Variants in PALM observed in about 807,000 individuals in gnomAD.
PALM encodes the protein paralemmin.
Under a neutral mutation model 30.7 loss-of-function variants are expected in PALM, and 18 were observed. That is an observed-to-expected ratio of 0.59 (90% CI 0.41 to 0.87). The LOEUF is 0.87. Among genes scored for constraint, PALM ranks in the 40% least tolerant of loss-of-function variants. The pLI, the probability that PALM is intolerant of heterozygous loss-of-function variation, is 0.00. For missense variants in PALM, 529 were observed against 555.4 expected, an observed-to-expected ratio of 0.95 and a Z score of 0.48; for synonymous variants, 286 against 242.8, an observed-to-expected ratio of 1.18 and a Z score of -1.66.
chr19:712,313 G>A (rs1356356417), intron 1 of PALM, among the ~76,000 whole-genome samples: 1 of 151,312 alleles, frequency 6.6e-6, no homozygotes, highest in Admixed American at 6.6e-5. Context: ...CGTGAGCCAC[G>A]TGCCTGGCTG....
chr19:738,161 C>T (rs1395902695), intron 7 of PALM, among the ~76,000 whole-genome samples: 5 of 151,850 alleles, frequency 3.3e-5, no homozygotes, highest in Non-Finnish European at 5.9e-5. Context: ...GAGGCCAAGG[C>T]GGGCAGATCA....
chr19:726,965 G>GGGGGGGGGGCCCGGCC, intron 2 of PALM, 43 bp from the exon 3 acceptor site: 1 of 1,037,618 alleles, frequency 9.6e-7, no homozygotes, highest in East Asian at 3.9e-5. Context: ...GGGTCTCCGG[G>GGGGGGGGGGCCCGGCC]ACCCCCACGC....
chr19:734,289 G>A (rs781681928), intron 6 of PALM, 95 bp downstream of exon 6: 1 of 1,219,842 alleles, frequency 8.2e-7, no homozygotes. Context: ...AAGTTGCTCG[G>A]TGCCTCACGC....
intron 1 of PALM, among the ~76,000 whole-genome samples, chr19:712,737 G>A (rs1426474462): frequency 2.0e-5 from 3 of 149,748 alleles, no homozygotes; most frequent in African/African-American, 7.4e-5. Context: ...GTGCAGTGGC[G>A]CGATCTCGGC....
At position 727,007 on chromosome 19, in the gene PALM, G is replaced by A. The variant is rs112249604; in HGVS notation, c.58-1G>A. On this transcript the variant is annotated splice_acceptor_variant, in intron 2 of 8. Coordinates refer to ENST00000338448, the MANE Select transcript of PALM (RefSeq NM_002579.3). LOFTEE classifies it high-confidence loss of function. ...CTGACCCCACCCGGCCCTCCCCACA[G>A]GAGAAGCGGAAGCGGCAGGCGGAGA... is the stretch of plus-strand genomic sequence containing the variant. The A allele has an allele frequency of 1.4e-6, 1 of 694,530 alleles. No individual in the cohort carries two copies. The highest frequency in any genetic ancestry group is 2.3e-6 in the Non-Finnish European group (1 of 437,902). The allele number at this position is 694,530 out of a possible 1,614,324, so 43.0% of individuals were successfully genotyped here. A position where few individuals can be genotyped will look rare whatever the true frequency, so the allele number is the denominator to read the frequency against.
chr19:712,534 C>T (rs2032113122), intron 1 of PALM, among the ~76,000 whole-genome samples: 1 of 151,352 alleles, frequency 6.6e-6, no homozygotes, highest in Non-Finnish European at 1.5e-5. Context: ...CAGGCGCCCA[C>T]CATCACGCCC....
chr19:731,975 TTC>T (rs908482326), intron 5 of PALM, among the ~76,000 whole-genome samples: 27 of 152,210 alleles, frequency 1.8e-4, no homozygotes, highest in African/African-American at 6.3e-4. Context: ...GTTATTTTGT[TTC>T]TGTGTTTGTT....
At chr19:723,891 C>T (rs1201075103) in intron 1 of PALM, among the ~76,000 whole-genome samples, 3 of 152,076 alleles carry the variant, frequency 2.0e-5, no homozygotes, top group Non-Finnish European at 4.4e-5. Flanking sequence ...CCACCGCGCC[C>T]GGCCTGCTTT....
intron 1 of PALM, chr19:719,115 G>T (rs1057036840): frequency 1.0e-6 from 1 of 985,082 alleles, no homozygotes; most frequent in Non-Finnish European, 1.2e-6. Context: ...TGGGCTCGGC[G>T]CCTGCCCGGG....
rs374144868 is a variant in PALM at position 714,507 on chromosome 19, C to T, written c.5+5356C>T. 7.6e-4 allele frequency among the ~76,000 whole-genome samples: 114 copies of T among 149,916 alleles called. 5 individuals are homozygous for T. The South Asian group carries it at 0.023, about 30-fold the overall frequency. Reference sequence around the variant, plus strand: ...CCGAGTAGCTGGGACTACAGGCGCCCGCCACCACGCCCGGCTAATTTTTTG... The same window carrying T: ...CCGAGTAGCTGGGACTACAGGCGCCTGCCACCACGCCCGGCTAATTTTTTG... On this transcript the variant is annotated intron_variant, in intron 1 of 8. Transcript: ENST00000338448.
chr19:712,169 C>T (rs914913041), intron 1 of PALM, among the ~76,000 whole-genome samples: 1 of 151,978 alleles, frequency 6.6e-6, no homozygotes, highest in African/African-American at 2.4e-5. Flanking sequence ...ACTACAGGTG[C>T]CCGCCACCAC....
rs566742384 is a variant in PALM at position 746,148 on chromosome 19, A to C, written c.635-137A>C. 7.5e-4 allele frequency: 488 copies of C among 647,326 alleles called. 1 individual carries two copies. The African/African-American group carries it at 7.9e-3, about 11-fold the overall frequency. The allele number at this position is 647,326 out of a possible 1,614,324, so 40.1% of individuals were successfully genotyped here. A position where few individuals can be genotyped will look rare whatever the true frequency, so the allele number is the denominator to read the frequency against. On this transcript the variant is annotated intron_variant, in intron 8 of 8. Transcript: ENST00000338448. This position sits in a 1 kb window ranked among gnomAD's most constrained non-coding sequence, Gnocchi z 7.1. The stretch of plus-strand genomic sequence containing the variant: ...AATTGTCTGTCAGTTCTGACGGTGT[A>C]ATCTAGTTCGTGATTTCCTCTTTAG...
At position 734,294 on chromosome 19, in the gene PALM, T is replaced by C. The variant is rs775365339; in HGVS notation, c.442+100T>C. Reference sequence around the variant, plus strand: ...TGAAGCTACAAAGTTGCTCGGTGCCTCACGCCTGTGATCCCAGCACTTTGG... The same window carrying C: ...TGAAGCTACAAAGTTGCTCGGTGCCCCACGCCTGTGATCCCAGCACTTTGG... On this transcript the variant is annotated intron_variant, in intron 6 of 8. Coordinates refer to ENST00000338448, the MANE Select transcript of PALM (RefSeq NM_002579.3). 16 of 1,157,516 alleles carry C rather than the reference T, an allele frequency of 1.4e-5. 1 individual carries two copies. The South Asian group carries it at 1.9e-4, about 14-fold the overall frequency. The allele number at this position is 1,157,516 out of a possible 1,614,324, so 71.7% of individuals were successfully genotyped here. A position where few individuals can be genotyped will look rare whatever the true frequency, so the allele number is the denominator to read the frequency against.
chr19:738,022 C>T (rs772341960), intron 7 of PALM, among the ~76,000 whole-genome samples: 5 of 151,918 alleles, frequency 3.3e-5, no homozygotes, highest in Non-Finnish European at 7.4e-5. Flanking sequence ...TGGGATGGGC[C>T]GTGGAGGGGC....
chr19:741,824 ACT>A (rs966867553), intron 8 of PALM, among the ~76,000 whole-genome samples: 1 of 151,742 alleles, frequency 6.6e-6, no homozygotes, highest in African/African-American at 2.4e-5. Flanking sequence ...CTGAAGCCCC[ACT>A]CTCTCTCTTT....
chr19:712,839 C>A (rs1338054934), intron 1 of PALM, among the ~76,000 whole-genome samples: 1 of 152,152 alleles, frequency 6.6e-6, no homozygotes, highest in Non-Finnish European at 1.5e-5. Flanking sequence ...CCACGCCCAG[C>A]TAATTTTTGT....
Position 734,159 on chromosome 19 carries a change from C to G in PALM, c.421-14C>G, listed in dbSNP as rs1254493259. 1 of 1,613,924 alleles carries G rather than the reference C, an allele frequency of 6.2e-7. No homozygotes were observed. Among genetic ancestry groups the G allele is most frequent in the East Asian group, 2.2e-5 (1 of 44,874 alleles). ...ATGCTGACGCCCCTGACCCTTCTCT[C>G]TTCTTTCTTGCAGACGCCGGTGGGC... On this transcript the variant is annotated splice_polypyrimidine_tract_variant and intron_variant, in intron 5 of 8. Coordinates refer to ENST00000338448, the MANE Select transcript of PALM (RefSeq NM_002579.3).
intron 1 of PALM, among the ~76,000 whole-genome samples, chr19:723,815 C>G (rs2032574161): frequency 6.6e-6 from 1 of 152,016 alleles, no homozygotes; most frequent in South Asian, 2.1e-4. Context: ...AGGCTGGTCT[C>G]GAACTTCCGA....
rs1366338898 is a variant in PALM at position 717,919 on chromosome 19, C to T, written c.6-8219C>T. 2.0e-5 allele frequency among the ~76,000 whole-genome samples: 3 copies of T among 152,278 alleles called. No homozygotes were observed. In the East Asian group the frequency reaches 5.8e-4, roughly 29 times the overall value. Reference sequence around the variant, plus strand: ...CTGTCCTAGTGGGAAGACAAGATCACGCCTGTAATCCCAGCACTTTGGGAG... The same window carrying T: ...CTGTCCTAGTGGGAAGACAAGATCATGCCTGTAATCCCAGCACTTTGGGAG... On this transcript the variant is annotated intron_variant, in intron 1 of 8. Coordinates refer to ENST00000338448, the MANE Select transcript of PALM (RefSeq NM_002579.3).
Sources: allele counts gnomAD v4.1 joint callset (sites outside exome capture counted in the v4.1 genomes callset), GRCh38; gene constraint gnomAD v4.1.1; non-coding constraint Gnocchi (gnomAD v3.1); transcripts MANE v1.5; gene names NCBI Gene and HGNC (gene_info 2026-07-23, HGNC 2026-07-21).